GRIK4: variants seen among roughly 807,000 people sequenced by gnomAD.
GRIK4 encodes glutamate receptor ionotropic, kainate 4.
GRIK4 carries 40 observed loss-of-function variants against 104.9 expected under a neutral mutation model. That is an observed-to-expected ratio of 0.38 (90% CI 0.30 to 0.50). The LOEUF (loss-of-function observed/expected upper bound fraction) is 0.50, where lower values mean the gene tolerates loss of function less well. GRIK4 is among the 20% of genes least tolerant of loss of function. The pLI, the probability that GRIK4 is intolerant of heterozygous loss-of-function variation, is 0.93. For missense variants in GRIK4, 1,047 were observed against 1,308.1 expected (o/e 0.80, Z 3.08); for synonymous variants, 485 against 524.9 (o/e 0.92, Z 1.04).
chr11:120,696,732 C>T (rs61902688), intron 3 of GRIK4, among the ~76,000 whole-genome samples: 16 of 152,024 alleles, frequency 1.1e-4, no homozygotes, highest in African/African-American at 2.9e-4. Flanking sequence ...AGGGGTGGAC[C>T]GGAGGGAGAG....
chr11:120,706,004 C>T (rs901607788), intron 3 of GRIK4, among the ~76,000 whole-genome samples: 2 of 152,194 alleles, frequency 1.3e-5, no homozygotes, highest in Non-Finnish European at 2.9e-5. Flanking sequence ...TCCACTCCGG[C>T]ATATCACCCT....
At chr11:120,721,819 C>T (rs537852224) in intron 3 of GRIK4, among the ~76,000 whole-genome samples, 80 of 152,050 alleles carry the variant, frequency 5.3e-4, no homozygotes, top group Non-Finnish European at 4.6e-4. Context: ...CAGTCTCTCC[C>T]GGGTCAGCAA....
At chr11:120,610,212 T>G (rs1250467993) in intron 1 of GRIK4, among the ~76,000 whole-genome samples, 1 of 152,236 alleles carries the variant, frequency 6.6e-6, no homozygotes, top group Non-Finnish European at 1.5e-5. Context: ...AGTGACTCAG[T>G]GAGGAGCTGA....
intron 1 of GRIK4, among the ~76,000 whole-genome samples, chr11:120,550,013 T>C (rs1198231350): frequency 6.6e-6 from 1 of 152,134 alleles, no homozygotes; most frequent in East Asian, 1.9e-4. Flanking sequence ...GAAAAGCCAT[T>C]AAAGGAATTT....
chr11:120,722,429 T>C (rs1375555611), intron 3 of GRIK4, among the ~76,000 whole-genome samples: 1 of 151,860 alleles, frequency 6.6e-6, no homozygotes, highest in African/African-American at 2.4e-5. Flanking sequence ...ACCAACATGG[T>C]AAAACCCCGT....
chr11:120,968,308 G>C (rs962983655), intron 19 of GRIK4, among the ~76,000 whole-genome samples: 4 of 152,146 alleles, frequency 2.6e-5, no homozygotes, highest in Non-Finnish European at 4.4e-5. Context: ...TTTCTAGACA[G>C]TGTTCATTCT....
chr11:120,551,471 T>A (rs1442110374), intron 1 of GRIK4, among the ~76,000 whole-genome samples: 2 of 152,206 alleles, frequency 1.3e-5, no homozygotes, highest in Non-Finnish European at 2.9e-5. Context: ...ATACCCTTTT[T>A]GTCCAATTAA....
At chr11:120,537,952 C>G (rs1591681763) in intron 1 of GRIK4, among the ~76,000 whole-genome samples, 1 of 151,986 alleles carries the variant, frequency 6.6e-6, no homozygotes, top group Non-Finnish European at 1.5e-5. Context: ...TATCCTATGA[C>G]AAGAAAAACC....
intron 3 of GRIK4, among the ~76,000 whole-genome samples, chr11:120,784,109 C>A (rs376732021): frequency 1.3e-5 from 2 of 152,096 alleles, no homozygotes; most frequent in East Asian, 3.9e-4. Flanking sequence ...TTCCCTTTCA[C>A]CTTTGGAAAA....
chr11:120,961,226 C>T, intron 17 of GRIK4, 152 bp downstream of exon 17: 1 of 711,998 alleles, frequency 1.4e-6, no homozygotes. Flanking sequence ...TTATCTGCTG[C>T]TCCACAAAAT....
chr11:120,769,202 C>T (rs1951894376), intron 3 of GRIK4, among the ~76,000 whole-genome samples: 1 of 152,062 alleles, frequency 6.6e-6, no homozygotes, highest in East Asian at 1.9e-4. Context: ...TTAATTACTT[C>T]AGTTTCTTTA....
Position 120,732,655 on chromosome 11 carries a change from C to T in GRIK4, c.83-70038C>T, listed in dbSNP as rs201425406. On this transcript the variant is annotated intron_variant, in intron 3 of 20. Transcript: ENST00000527524. ...TGTGTTTATGTAGTTCCCCAAATTC[C>T]TCTTGTTATTGATTTGTAGTTTTAT... Among the ~76,000 whole-genome samples, 9 of 152,080 alleles carry T rather than the reference C, an allele frequency of 5.9e-5. No homozygotes were observed. The East Asian group carries it at 1.5e-3, about 26-fold the overall frequency.
chr11:120,668,272 GAAAAAAGA>G (rs1215306294), intron 3 of GRIK4, among the ~76,000 whole-genome samples: 1 of 123,402 alleles, frequency 8.1e-6, no homozygotes, highest in African/African-American at 3.0e-5. Context: ...AAGAAAGAAA[GAAAAAAGA>G]GAGAAAGAGA....
intron 1 of GRIK4, among the ~76,000 whole-genome samples, chr11:120,627,733 C>T (rs1436395049): frequency 1.3e-5 from 2 of 151,896 alleles, no homozygotes; most frequent in Non-Finnish European, 2.9e-5. Flanking sequence ...TGCACGAGGG[C>T]CTGGCTCAGT....
chr11:120,822,851 G>A (rs1337176954), intron 6 of GRIK4, among the ~76,000 whole-genome samples: 3 of 152,218 alleles, frequency 2.0e-5, no homozygotes, highest in African/African-American at 4.8e-5. Context: ...GCCAAAACAT[G>A]TATTTGCTTC....
At chr11:120,879,815 G>A (rs1404991386) in intron 11 of GRIK4, among the ~76,000 whole-genome samples, 1 of 152,176 alleles carries the variant, frequency 6.6e-6, no homozygotes, top group Non-Finnish European at 1.5e-5. Flanking sequence ...CCCTTTTCAT[G>A]ACACGGAAGA....
intron 1 of GRIK4, among the ~76,000 whole-genome samples, chr11:120,541,386 A>G (rs1475234573): frequency 2.0e-5 from 3 of 152,160 alleles, no homozygotes; most frequent in Non-Finnish European, 4.4e-5. Flanking sequence ...GAGCTGTCCT[A>G]TCTATTTCTG....
At chr11:120,732,752 G>A (rs962470764) in intron 3 of GRIK4, among the ~76,000 whole-genome samples, 5 of 152,108 alleles carry the variant, frequency 3.3e-5, no homozygotes, top group African/African-American at 4.8e-5. Context: ...GTTTTGTGAC[G>A]TAGCATATGG....
intron 15 of GRIK4, among the ~76,000 whole-genome samples, chr11:120,955,735 C>A (rs1944129624): frequency 1.3e-5 from 2 of 152,156 alleles, no homozygotes; most frequent in South Asian, 4.1e-4. Context: ...GAGCTTTAAA[C>A]AAACACTGAT....
Sources: allele counts gnomAD v4.1 joint callset (sites outside exome capture counted in the v4.1 genomes callset), GRCh38; gene constraint gnomAD v4.1.1; transcripts MANE v1.5; gene names NCBI Gene and HGNC (gene_info 2026-07-23, HGNC 2026-07-21).